Variants in RASA2 observed in about 807,000 individuals in gnomAD.
The protein encoded by RASA2 is ras GTPase-activating protein 2.
A neutral mutation model predicts 118.2 loss-of-function variants in RASA2; 155 were observed. The observed-to-expected ratio is 1.31, with a 90% CI of 1.15 to 1.50. The LOEUF is 1.50. RASA2 is among the 40% of genes most tolerant of loss of function. RASA2 has a pLI of 0.00. For synonymous variants in RASA2, 353 were observed against 349.1 expected, an observed-to-expected ratio of 1.01 and a Z score of -0.12; for missense variants, 1,016 against 1,009.6, an observed-to-expected ratio of 1.01 and a Z score of -0.09.
At chr3:141,542,278 A>G (rs2082415970) in intron 5 of RASA2, among the ~76,000 whole-genome samples, 1 of 152,182 alleles carries the variant, frequency 6.6e-6, no homozygotes, top group African/African-American at 2.4e-5. Context: ...ACAAAAGTAT[A>G]TGATATGTCT....
chr3:141,497,950 A>C (rs1376677725), intron 1 of RASA2, among the ~76,000 whole-genome samples: 1 of 152,180 alleles, frequency 6.6e-6, no homozygotes, highest in Non-Finnish European at 1.5e-5. Context: ...ATGTTAGAAA[A>C]ACTTTTTAAA....
chr3:141,574,428 A>G (rs913579976), intron 14 of RASA2, among the ~76,000 whole-genome samples: 3 of 152,044 alleles, frequency 2.0e-5, no homozygotes, highest in Non-Finnish European at 2.9e-5. Context: ...TGAACTCGTG[A>G]TCCGCCCGCC....
At chr3:141,507,116 C>A (rs909310908) in intron 1 of RASA2, among the ~76,000 whole-genome samples, 16 of 152,202 alleles carry the variant, frequency 1.1e-4, no homozygotes, top group Middle Eastern at 3.4e-3. Context: ...TTTAAGTGTG[C>A]TGCTATTCAA....
chr3:141,574,363 A>G (rs570714927), intron 14 of RASA2, among the ~76,000 whole-genome samples: 1 of 150,960 alleles, frequency 6.6e-6, no homozygotes, highest in Non-Finnish European at 1.5e-5. Context: ...CTAATTTTTT[A>G]TATTTTTAGT....
intron 2 of RASA2, among the ~76,000 whole-genome samples, chr3:141,515,986 G>A (rs1014434031): frequency 1.4e-4 from 20 of 146,856 alleles, no homozygotes; most frequent in African/African-American, 5.0e-4. Context: ...TCACTCATAG[G>A]TGGGAACTGA....
chr3:141,583,739 C>T (rs1185989453), intron 17 of RASA2, among the ~76,000 whole-genome samples: 1 of 152,166 alleles, frequency 6.6e-6, no homozygotes, highest in Non-Finnish European at 1.5e-5. Context: ...GTCAGCCAGT[C>T]TTAGGAGAAA....
intron 4 of RASA2, among the ~76,000 whole-genome samples, chr3:141,538,437 A>G: frequency 6.6e-6 from 1 of 152,134 alleles, no homozygotes; most frequent in East Asian, 1.9e-4. Context: ...TTCACCAACC[A>G]AAGGTATCTT....
chr3:141,515,943 C>T (rs1477511064), intron 2 of RASA2, among the ~76,000 whole-genome samples: 3 of 147,262 alleles, frequency 2.0e-5, no homozygotes, highest in Non-Finnish European at 3.0e-5. Flanking sequence ...AGCAAACTAT[C>T]GCAAAGACAA....
intron 16 of RASA2, 118 bp downstream of exon 16, chr3:141,580,569 C>A: frequency 3.0e-6 from 2 of 660,826 alleles, no homozygotes; most frequent in South Asian, 2.3e-5. Flanking sequence ...CACACACACA[C>A]ACACACACAG....
At chr3:141,505,031 T>C (rs2081843624) in intron 1 of RASA2, among the ~76,000 whole-genome samples, 1 of 152,218 alleles carries the variant, frequency 6.6e-6, no homozygotes, top group African/African-American at 2.4e-5. Flanking sequence ...TTGAAAGGCC[T>C]TCCCTGCTTC....
At chr3:141,532,334 G>T (rs1450827450) in intron 4 of RASA2, among the ~76,000 whole-genome samples, 1 of 152,026 alleles carries the variant, frequency 6.6e-6, no homozygotes, top group Non-Finnish European at 1.5e-5. Flanking sequence ...TAGATTAGGA[G>T]TATCACTTAA....
intron 11 of RASA2, among the ~76,000 whole-genome samples, chr3:141,572,029 CATATATATATAT>C (rs10568210): frequency 0.015 from 1,768 of 121,436 alleles, 31 homozygotes; most frequent in African/African-American, 0.04. Flanking sequence ...TTTAAAAAAA[CATATATATATAT>C]ATATATATAT....
At chr3:141,570,068 A>T (rs1345293122) in intron 9 of RASA2, among the ~76,000 whole-genome samples, 2 of 150,234 alleles carry the variant, frequency 1.3e-5, no homozygotes, top group African/African-American at 4.9e-5. Context: ...TTGTGTTTTT[A>T]AATTCCCATG....
chr3:141,494,548 TG>T (rs1194908023), intron 1 of RASA2, among the ~76,000 whole-genome samples: 2 of 152,164 alleles, frequency 1.3e-5, no homozygotes, highest in Non-Finnish European at 2.9e-5. Flanking sequence ...TTTGTATTTT[TG>T]GTAGAGACGG....
rs763994464 is a variant in RASA2 at position 141,560,007 on chromosome 3, G to A, written c.863+12G>A. On this transcript the variant is annotated intron_variant, in intron 9 of 23. Transcript: ENST00000286364. Reference sequence around the variant, plus strand: ...TCTCATCAAGCCTGGTAAGGGCCCAGCATTTTAGTGAACTCCATAGTTTAA... The same window carrying A: ...TCTCATCAAGCCTGGTAAGGGCCCAACATTTTAGTGAACTCCATAGTTTAA... The A allele has an allele frequency of 2.0e-5, 31 of 1,587,500 alleles. No individual in the cohort carries two copies. The East Asian group carries it at 6.7e-4, about 34-fold the overall frequency.
At position 141,614,264 on chromosome 3, in the gene RASA2, G is replaced by A. The variant is rs1037858086; in HGVS notation, c.*1951G>A. ...TGCATATATAACTCTGGATTTGAAA[G>A]GAGGAGAGTTCAGCCATCTAGTTCT... is the stretch of plus-strand genomic sequence containing the variant. On this transcript the variant is annotated 3_prime_UTR_variant, in exon 24 of 24. Coordinates refer to ENST00000286364, the MANE Select transcript of RASA2 (RefSeq NM_006506.5). 2.6e-5 allele frequency: 4 copies of A among 152,106 alleles called. No homozygotes were observed. Among genetic ancestry groups the A allele is most frequent in the Non-Finnish European group, 5.9e-5 (4 of 68,000 alleles). The allele number at this position is 152,106 out of a possible 1,614,324, so 9.4% of individuals were successfully genotyped here.
At chr3:141,527,110 A>C (rs2082196312) in intron 3 of RASA2, among the ~76,000 whole-genome samples, 1 of 152,212 alleles carries the variant, frequency 6.6e-6, no homozygotes, top group Non-Finnish European at 1.5e-5. Flanking sequence ...TTTACAACAC[A>C]ATGCCATTGT....
intron 5 of RASA2, among the ~76,000 whole-genome samples, chr3:141,544,528 GTCT>G (rs1472286203): frequency 6.6e-6 from 1 of 151,902 alleles, no homozygotes; most frequent in Non-Finnish European, 1.5e-5. Flanking sequence ...TCTTTCCTCT[GTCT>G]TCTTCATTCT....
In RASA2 at chr3:141,553,858, A is replaced by G. The variant is rs756952276; in HGVS notation, c.529A>G (p.Ile177Val). The part of the protein sequence containing the change: ...GTVCQQLVVH[I>V]KACHGLPLIN... ...TAAATCTCTTTTATTCTACCTTAGC[A>G]TCAAGGCATGCCATGGGTTGCCTCT... The change falls in exon 6 of 24, where the codon ATC (isoleucine) becomes GTC (valine). Residue 177 changes from isoleucine (I) to valine (V), a missense_variant and splice_region_variant. By Grantham distance (29) the Ile-to-Val change is conservative. Coordinates refer to ENST00000286364, the MANE Select transcript of RASA2 (RefSeq NM_006506.5). 6.2e-7 allele frequency: 1 copy of G among 1,610,808 alleles called. No individual in the cohort carries two copies. Among genetic ancestry groups the G allele is most frequent in the South Asian group, 1.1e-5 (1 of 90,376 alleles).
Sources: allele counts gnomAD v4.1 joint callset (sites outside exome capture counted in the v4.1 genomes callset), GRCh38; gene constraint gnomAD v4.1.1; transcripts MANE v1.5; gene names NCBI Gene and HGNC (gene_info 2026-07-23, HGNC 2026-07-21).